JCAD: variants seen among roughly 807,000 people sequenced by gnomAD.
JCAD encodes the protein junctional cadherin 5 associated, also known as junctional cadherin 5-associated protein.
A neutral mutation model predicts 98.0 loss-of-function variants in JCAD; 40 were observed. That is an observed-to-expected ratio of 0.41 (90% CI 0.32 to 0.53). The LOEUF (loss-of-function observed/expected upper bound fraction) is 0.53. Ranked by LOEUF, JCAD falls within the 20% of genes least tolerant of loss-of-function variation. The probability of loss-of-function intolerance (pLI) is 0.31; values close to 1 mark genes in which losing one functional copy is unlikely to be tolerated. For missense variants in JCAD, 1,705 were observed against 1,738.1 expected (o/e 0.98, Z 0.34); for synonymous variants, 691 against 682.3 (o/e 1.01, Z -0.20).
At chr10:30,113,892 T>A (rs918821341) in intron 1 of JCAD, among the ~76,000 whole-genome samples, 1 of 152,170 alleles carries the variant, frequency 6.6e-6, no homozygotes, top group African/African-American at 2.4e-5. Flanking sequence ...ATAATTTTTT[T>A]AATAGATGGA....
At chr10:30,100,909 A>T (rs1462180008) in intron 1 of JCAD, among the ~76,000 whole-genome samples, 1 of 152,184 alleles carries the variant, frequency 6.6e-6, no homozygotes, top group Non-Finnish European at 1.5e-5. Context: ...CAGCCAGAGA[A>T]GTGGGATAAC....
chr10:30,093,535 C>T (rs1838318727), intron 1 of JCAD, among the ~76,000 whole-genome samples: 1 of 152,222 alleles, frequency 6.6e-6, no homozygotes, highest in African/African-American at 2.4e-5. Context: ...GGCTTGCTGG[C>T]TCGCTGCATT....
At chr10:30,064,672 CTT>C (rs551716239) in intron 2 of JCAD, among the ~76,000 whole-genome samples, 2 of 146,184 alleles carry the variant, frequency 1.4e-5, no homozygotes, top group South Asian at 2.2e-4. Context: ...CACGTTCTCT[CTT>C]TTTTTTTTTT....
intron 1 of JCAD, among the ~76,000 whole-genome samples, chr10:30,097,687 G>A (rs1344530152): frequency 2.0e-5 from 3 of 152,040 alleles, no homozygotes; most frequent in Admixed American, 1.3e-4. Flanking sequence ...CCCAGGAGGC[G>A]GAAGTCGCAG....
chr10:30,110,671 G>T (rs539481049), intron 1 of JCAD, among the ~76,000 whole-genome samples: 6 of 151,072 alleles, frequency 4.0e-5, no homozygotes, highest in African/African-American at 9.7e-5. Context: ...TATGGGCCAG[G>T]TGATGTATGG....
At chr10:30,038,307 C>T (rs184718466) in intron 2 of JCAD, among the ~76,000 whole-genome samples, 7 of 152,026 alleles carry the variant, frequency 4.6e-5, no homozygotes, top group African/African-American at 1.2e-4. Context: ...GTTTAATGCA[C>T]GTAACAAAAT....
At chr10:30,081,430 G>A (rs939412620) in intron 1 of JCAD, among the ~76,000 whole-genome samples, 11 of 152,004 alleles carry the variant, frequency 7.2e-5, no homozygotes, top group Admixed American at 5.9e-4. Flanking sequence ...TGAGCCCAAT[G>A]TTTGTTTTTT....
chr10:30,036,739 G>T (rs1327650276), intron 2 of JCAD, among the ~76,000 whole-genome samples: 2 of 152,252 alleles, frequency 1.3e-5, no homozygotes, highest in Non-Finnish European at 2.9e-5. Flanking sequence ...TCCTGAGCCT[G>T]GTCCTCCCGT....
intron 2 of JCAD, among the ~76,000 whole-genome samples, chr10:30,068,918 C>G (rs933986500): frequency 2.0e-5 from 3 of 152,232 alleles, no homozygotes; most frequent in Non-Finnish European, 4.4e-5. Context: ...TGGCTGTGGC[C>G]AAGGCCTTCT....
intron 1 of JCAD, among the ~76,000 whole-genome samples, chr10:30,104,079 T>C (rs948950601): frequency 6.6e-6 from 1 of 152,148 alleles, no homozygotes; most frequent in Non-Finnish European, 1.5e-5. Flanking sequence ...AAAAAGTTCC[T>C]AGAAAGAGGA....
At chr10:30,092,056 AAAAAAAAAAT>A (rs1246689452) in intron 1 of JCAD, among the ~76,000 whole-genome samples, 76 of 26,762 alleles carry the variant, frequency 2.8e-3, no homozygotes, top group East Asian at 0.013. Context: ...AAAAAAAAAA[AAAAAAAAAAT>A]ATATATATAT....
intron 1 of JCAD, among the ~76,000 whole-genome samples, chr10:30,049,956 C>A (rs942348440): frequency 1.3e-5 from 2 of 152,088 alleles, no homozygotes; most frequent in African/African-American, 2.4e-5. Flanking sequence ...AGGCAAAGAG[C>A]ATGTGTTTGT....
intron 2 of JCAD, chr10:30,044,721 T>A: frequency 1.7e-6 from 1 of 591,982 alleles, no homozygotes; most frequent in Non-Finnish European, 2.1e-6. Flanking sequence ...TATTGACACC[T>A]ATTTACTTTT....
chr10:30,028,297 C>G lies in JCAD; in HGVS notation c.1851G>C (p.Pro617=). 2 of 1,614,190 alleles carry G rather than the reference C, an allele frequency of 1.2e-6. No individual in the cohort carries two copies. Among genetic ancestry groups the G allele is most frequent in the Non-Finnish European group, 1.7e-6 (2 of 1,180,036 alleles). Residue 617 remains proline, a synonymous_variant, in exon 3 of 4, where the codon CCG becomes CCC. Transcript: ENST00000375377. ...ADQKNGSDKS[P]ALQEQSLLSM... ...TCAGCAGACTCTGTTCTTGCAGAGCCGGGCTCTTATCAGACCCATTCTTTT... is the reference window on the plus strand; with the variant it reads ...TCAGCAGACTCTGTTCTTGCAGAGCGGGGCTCTTATCAGACCCATTCTTTT...
rs764784640 is a variant in JCAD at position 30,026,668 on chromosome 10, T to A, written c.3480A>T (p.Val1160=). The part of the protein sequence containing the change: ...KCGWTKSPLF[V]GDRDSARRAP... ...CCCGCCTGGCACTGTCCCTGTCCCC[T>A]ACAAAGAGAGGGCTCTTGGTCCAGC... Residue 1160 remains valine (V), a synonymous_variant, in exon 3 of 4, where the codon GTA becomes GTT. Coordinates refer to ENST00000375377, the MANE Select transcript of JCAD (RefSeq NM_020848.4). The A allele has an allele frequency of 1.9e-6, 3 of 1,613,346 alleles. No individual in the cohort carries two copies. In the South Asian group the frequency reaches 3.3e-5, roughly 18 times the overall value.
intron 1 of JCAD, among the ~76,000 whole-genome samples, chr10:30,057,275 G>A (rs1029980600): frequency 1.3e-5 from 2 of 152,220 alleles, no homozygotes; most frequent in African/African-American, 4.8e-5. Context: ...GTGAGAACTT[G>A]GGGGAGCCAC....
intron 1 of JCAD, among the ~76,000 whole-genome samples, chr10:30,049,224 C>T (rs2132645801): frequency 6.6e-6 from 1 of 152,248 alleles, no homozygotes; most frequent in South Asian, 2.1e-4. Context: ...GTGAGAGACA[C>T]ACAAAAGCCA....
At chr10:30,111,028 T>A (rs1838690444) in intron 1 of JCAD, among the ~76,000 whole-genome samples, 1 of 152,032 alleles carries the variant, frequency 6.6e-6, no homozygotes, top group African/African-American at 2.4e-5. Context: ...GGGCAGCTGA[T>A]GTATAGACCC....
At chr10:30,104,697 G>A (rs972426236) in intron 1 of JCAD, among the ~76,000 whole-genome samples, 3 of 152,122 alleles carry the variant, frequency 2.0e-5, no homozygotes, top group Non-Finnish European at 4.4e-5. Context: ...TAACAAACCT[G>A]TGCATATGTA....
Sources: gnomAD v4.1 joint callset for allele counts (sites outside exome capture counted in the v4.1 genomes callset) on GRCh38, gnomAD v4.1.1 for gene constraint, MANE v1.5 for transcripts, NCBI Gene and HGNC (gene_info 2026-07-23, HGNC 2026-07-21) for gene names.